The following CFDP1 variants were observed in gnomAD, a reference collection of about 807,000 sequenced individuals.
CFDP1 encodes heterochromatin-stabilizing protein CFDP1.
CFDP1 carries 31 observed loss-of-function variants against 40.1 expected under a neutral mutation model. The ratio of observed to expected loss-of-function variants is 0.77; its 90% CI spans 0.58 to 1.04. The LOEUF is 1.04. Ranked by LOEUF, CFDP1 falls within the 50% of genes least tolerant of loss-of-function variation. The probability of loss-of-function intolerance (pLI) is 0.00; values close to 1 mark genes in which losing one functional copy is unlikely to be tolerated. For missense variants in CFDP1, 423 were observed against 343.4 expected, an observed-to-expected ratio of 1.23 and a Z score of -1.83; for synonymous variants, 167 against 120.0, an observed-to-expected ratio of 1.39 and a Z score of -2.56.
intron 5 of CFDP1, among the ~76,000 whole-genome samples, chr16:75,389,151 A>T (rs1019375568): frequency 2.6e-5 from 4 of 152,212 alleles, no homozygotes; most frequent in African/African-American, 9.6e-5. Context: ...TTGGCTTGAA[A>T]ATAGGTAGCA....
At chr16:75,346,780 G>A (rs901149411) in intron 5 of CFDP1, among the ~76,000 whole-genome samples, 1 of 149,898 alleles carries the variant, frequency 6.7e-6, no homozygotes, top group Non-Finnish European at 1.5e-5. Context: ...TCCAAACTCT[G>A]GAAATAATTT....
chr16:75,311,064 T>C (rs996737716), intron 5 of CFDP1, among the ~76,000 whole-genome samples: 1 of 152,200 alleles, frequency 6.6e-6, no homozygotes, highest in Non-Finnish European at 1.5e-5. Flanking sequence ...AGGCAAACTG[T>C]AACCACATAT....
intron 5 of CFDP1, among the ~76,000 whole-genome samples, chr16:75,357,761 T>C (rs1343518240): frequency 6.6e-6 from 1 of 152,220 alleles, no homozygotes; most frequent in African/African-American, 2.4e-5. Context: ...ATAAAGCTAT[T>C]TCACTTTCTT....
chr16:75,315,760 T>C (rs774846152), intron 5 of CFDP1, among the ~76,000 whole-genome samples: 5 of 152,202 alleles, frequency 3.3e-5, no homozygotes, highest in South Asian at 2.1e-4. Flanking sequence ...CTTTAGCATG[T>C]ATCTCCCAAG....
chr16:75,399,698 G>A (rs937814944), intron 4 of CFDP1, among the ~76,000 whole-genome samples: 2 of 151,636 alleles, frequency 1.3e-5, no homozygotes, highest in East Asian at 4.0e-4. Flanking sequence ...ACAGTAGAAA[G>A]CAGCCAGGTG....
chr16:75,368,570 T>C (rs1383660798), intron 5 of CFDP1, among the ~76,000 whole-genome samples: 1 of 152,222 alleles, frequency 6.6e-6, no homozygotes, highest in Non-Finnish European at 1.5e-5. Context: ...ATAACACATA[T>C]AAAGGATTTA....
chr16:75,351,335 AAAT>A (rs1299099924), intron 5 of CFDP1, among the ~76,000 whole-genome samples: 4 of 152,230 alleles, frequency 2.6e-5, no homozygotes, highest in African/African-American at 9.6e-5. Flanking sequence ...TAATGTCTTG[AAAT>A]AATGTTTCCC....
rs978079895 is a variant in CFDP1, at chr16:75,294,069, G to C, written c.810-27C>G. The C allele has an allele frequency of 3.9e-6, 6 of 1,557,820 alleles. No homozygotes were observed. The Admixed American group carries it at 1.0e-4, about 26-fold the overall frequency. ...TAGAAGATGAAAACAGTGTTTGTCA[G>C]TAGAATCCAGTAGGAAAAACTCCTC... On this transcript the variant is annotated intron_variant, in intron 6 of 6. Coordinates refer to ENST00000283882, the MANE Select transcript of CFDP1 (RefSeq NM_006324.3).
intron 6 of CFDP1, chr16:75,301,811 G>C (rs951585937): frequency 6.6e-6 from 1 of 152,148 alleles, no homozygotes; most frequent in Non-Finnish European, 1.5e-5. Flanking sequence ...CCTGAACTTT[G>C]GAAAATGTCA....
intron 4 of CFDP1, among the ~76,000 whole-genome samples, chr16:75,403,622 T>C (rs775589820): frequency 7.2e-5 from 11 of 152,140 alleles, no homozygotes; most frequent in African/African-American, 2.4e-4. Context: ...GCATAACACA[T>C]AGAAAATAAT....
At chr16:75,410,504 T>C (rs562284908) in intron 4 of CFDP1, among the ~76,000 whole-genome samples, 2 of 152,128 alleles carry the variant, frequency 1.3e-5, no homozygotes, top group African/African-American at 2.4e-5. Flanking sequence ...CCGGGGACAG[T>C]GGCTCATGCC....
intron 6 of CFDP1, among the ~76,000 whole-genome samples, chr16:75,295,769 C>T (rs989739854): frequency 6.6e-5 from 10 of 152,174 alleles, no homozygotes; most frequent in African/African-American, 2.4e-4. Flanking sequence ...TGGCTGAATT[C>T]GAACTTCAGA....
At chr16:75,401,557 G>A (rs1420072619) in intron 4 of CFDP1, among the ~76,000 whole-genome samples, 12 of 151,814 alleles carry the variant, frequency 7.9e-5, no homozygotes, top group South Asian at 6.2e-4. Context: ...CTGAGATAGC[G>A]CCACTACACT....
At chr16:75,347,805 T>A (rs1440607419) in intron 5 of CFDP1, among the ~76,000 whole-genome samples, 2 of 152,226 alleles carry the variant, frequency 1.3e-5, no homozygotes, top group African/African-American at 4.8e-5. Flanking sequence ...CACTGATATA[T>A]GAGAAAAGGA....
intron 1 of CFDP1, among the ~76,000 whole-genome samples, chr16:75,423,957 A>G (rs558788593): frequency 6.6e-6 from 1 of 152,372 alleles, no homozygotes; most frequent in Non-Finnish European, 1.5e-5. Context: ...AACCAAATTC[A>G]GCAATGTATA....
intron 5 of CFDP1, among the ~76,000 whole-genome samples, chr16:75,348,909 C>A (rs1161436868): frequency 6.6e-6 from 1 of 152,160 alleles, no homozygotes; most frequent in Non-Finnish European, 1.5e-5. Flanking sequence ...GTCTGCCACC[C>A]AGGCTGGAGT....
Position 75,415,709 on chromosome 16 carries a change from TCTCA to T in CFDP1, c.65-1018_65-1015del, listed in dbSNP as rs962726945. Among the ~76,000 whole-genome samples, 26 of 152,360 alleles carry T rather than the reference TCTCA, an allele frequency of 1.7e-4. 1 individual carries two copies. The highest frequency in any genetic ancestry group is 1.6e-3 in the Admixed American group (25 of 15,306). ...TGCAGTGTAGCTGTAGTTTATTCAT[TCTCA>T]CTCCTGAACAGTAAATAGTGTGTCA... On this transcript the variant is annotated intron_variant, in intron 1 of 6. Transcript: ENST00000283882.
rs748081401 is a variant in CFDP1 at position 75,346,582 on chromosome 16, C to CAAAAAAAAAAAAAA, written c.651-41414_651-41401dup. Among the ~76,000 whole-genome samples, 36 of 59,344 alleles carry CAAAAAAAAAAAAAA rather than the reference C, an allele frequency of 6.1e-4. 1 individual carries two copies. The highest frequency in any genetic ancestry group is 7.3e-4 in the Non-Finnish European group (25 of 34,262). The allele number at this position is 59,344 out of a possible 152,430, so 38.9% of individuals were successfully genotyped here. On this transcript the variant is annotated intron_variant, in intron 5 of 6. Coordinates refer to ENST00000283882, the MANE Select transcript of CFDP1 (RefSeq NM_006324.3). ...TGGGTGACAGAGCAAGACTCTGTCT[C>CAAAAAAAAAAAAAA]AAAAAAAAAAAAAAAAAAAAAAAAA...
chr16:75,394,665 T>C (rs2078981624), intron 5 of CFDP1: 1 of 143,774 alleles, frequency 7.0e-6, no homozygotes, highest in Non-Finnish European at 1.5e-5. Flanking sequence ...TCGCTTTTTT[T>C]TTTTTTTTTT....
Sources: gnomAD v4.1 joint callset for allele counts (sites outside exome capture counted in the v4.1 genomes callset) on GRCh38, gnomAD v4.1.1 for gene constraint, MANE v1.5 for transcripts, NCBI Gene and HGNC (gene_info 2026-07-23, HGNC 2026-07-21) for gene names.